The following CASK variants were observed in gnomAD, a reference collection of about 807,000 sequenced individuals.
CASK encodes peripheral plasma membrane protein CASK.
Under a neutral mutation model 82.9 loss-of-function variants are expected in CASK, and 4 were observed. That is an observed-to-expected ratio of 0.05 (90% CI 0.02 to 0.11). CASK has a LOEUF of 0.11. Ranked by LOEUF, CASK falls within the 10% of genes least tolerant of loss-of-function variation. The probability of loss-of-function intolerance (pLI) is 1.00; values close to 1 mark genes in which losing one functional copy is unlikely to be tolerated. For missense variants in CASK, 358 were observed against 720.9 expected (o/e 0.50, Z 5.76); for synonymous variants, 259 against 253.5 (o/e 1.02, Z -0.20).
chrX:41,613,629 TAAAAAAA>T (rs767946526), intron 11 of CASK, among the ~76,000 whole-genome samples: 1,318 of 49,854 alleles, frequency 0.026, 23 homozygotes, highest in African/African-American at 0.093. Context: ...AATGATCAAT[TAAAAAAA>T]AAAAAAAAAA....
chrX:41,677,965 T>A (rs1028205321), intron 5 of CASK, among the ~76,000 whole-genome samples: 10 of 112,533 alleles, frequency 8.9e-5, no homozygotes, highest in African/African-American at 3.2e-4. Flanking sequence ...TTACTTTTTT[T>A]CCCCAGAAGT....
At chrX:41,857,548 T>C (rs2071395541) in intron 1 of CASK, among the ~76,000 whole-genome samples, 1 of 111,842 alleles carries the variant, frequency 8.9e-6, no homozygotes, top group Non-Finnish European at 1.9e-5. Context: ...GATATCACAA[T>C]TGTGAAACAA....
At chrX:41,739,811 G>A (rs1409281013) in intron 4 of CASK, among the ~76,000 whole-genome samples, 3 of 112,578 alleles carry the variant, frequency 2.7e-5, no homozygotes, top group Non-Finnish European at 5.6e-5. Flanking sequence ...ACTGCGTTAT[G>A]TAAACAGTGC....
At position 41,517,597 on chromosome X, in the gene CASK, A is replaced by T. The variant is rs1237054329; in HGVS notation, c.*2823T>A. 2.7e-6 allele frequency: 1 copy of T among 372,141 alleles called. No individual in the cohort carries two copies. Among genetic ancestry groups the T allele is most frequent in the Non-Finnish European group, 4.7e-6 (1 of 213,410 alleles). 30.7% of individuals were successfully genotyped at this position (372,141 alleles called of 1,213,427 possible). On this transcript the variant is annotated 3_prime_UTR_variant, in exon 27 of 27. Coordinates refer to ENST00000378163, the MANE Select transcript of CASK (RefSeq NM_001367721.1). ...TTGGGTGGGGGAGAGAACCTTCAAA[A>T]TGTGGCTCTCCAATACTTCAATTGA...
At chrX:41,642,690 T>C (rs1205886054) in intron 8 of CASK, among the ~76,000 whole-genome samples, 1 of 112,246 alleles carries the variant, frequency 8.9e-6, no homozygotes, top group East Asian at 2.8e-4. Flanking sequence ...TCTCCCATTC[T>C]GTAGGTTGCC....
chrX:41,861,082 T>C (rs2071467265), intron 1 of CASK, among the ~76,000 whole-genome samples: 1 of 112,515 alleles, frequency 8.9e-6, no homozygotes, highest in Non-Finnish European at 1.9e-5. Flanking sequence ...CAGTGAAGTT[T>C]AGTAGACTTC....
chrX:41,561,649 G>T lies in CASK; in HGVS notation c.1583-5C>A. On this transcript the variant is annotated splice_region_variant and splice_polypyrimidine_tract_variant and intron_variant, in intron 16 of 26. Transcript: ENST00000378163. ...CATCACCAACATGAAGTGTACCTAA[G>T]AAATTATATAACATTATAAACATGA... 1.8e-6 allele frequency: 2 copies of T among 1,120,686 alleles called. No individual in the cohort carries two copies. Among genetic ancestry groups the T allele is most frequent in the Non-Finnish European group, 2.5e-6 (2 of 813,622 alleles). 92.4% of individuals were successfully genotyped at this position (1,120,686 alleles called of 1,213,427 possible).
At chrX:41,650,089 G>C (rs190325855) in intron 8 of CASK, among the ~76,000 whole-genome samples, 13,150 of 108,379 alleles carry the variant, frequency 0.12, 725 homozygotes, top group Middle Eastern at 0.17. Context: ...CTTTTTTTTT[G>C]TTTTCCATTT....
At chrX:41,555,447 T>C (rs770257311) in intron 20 of CASK, among the ~76,000 whole-genome samples, 153 bp downstream of exon 20, 8 of 111,865 alleles carry the variant, frequency 7.2e-5, no homozygotes, top group Non-Finnish European at 1.5e-4. Flanking sequence ...AGAGAATTAG[T>C]CATGTGTAAT....
At chrX:41,740,738 G>A (rs1277177241) in intron 4 of CASK, among the ~76,000 whole-genome samples, 1 of 112,156 alleles carries the variant, frequency 8.9e-6, no homozygotes, top group Non-Finnish European at 1.9e-5. Context: ...TCCTTACAAC[G>A]GGGCTTTAAG....
At chrX:41,729,037 A>G (rs761628580) in intron 5 of CASK, 1 of 123,525 alleles carries the variant, frequency 8.1e-6, no homozygotes, top group Non-Finnish European at 1.9e-5. Flanking sequence ...TTTCTTCTGT[A>G]TTCAATATAA....
intron 2 of CASK, among the ~76,000 whole-genome samples, chrX:41,790,712 A>G (rs1341172035): frequency 3.6e-5 from 4 of 112,435 alleles, no homozygotes. Flanking sequence ...GCAATGATCT[A>G]GAAAAATTGT....
intron 3 of CASK, among the ~76,000 whole-genome samples, chrX:41,786,118 T>C (rs1249494535): frequency 2.7e-5 from 3 of 111,602 alleles, no homozygotes; most frequent in African/African-American, 9.8e-5. Context: ...ATCCACATTG[T>C]AGTGGAGCCT....
chrX:41,867,108 T>C (rs1242798636), intron 1 of CASK, among the ~76,000 whole-genome samples: 1 of 112,240 alleles, frequency 8.9e-6, no homozygotes, highest in Non-Finnish European at 1.9e-5. Flanking sequence ...GCCTTCCATA[T>C]TACACAAATA....
In CASK at chrX:41,829,632, G is replaced by A. The variant is rs1402302003; in HGVS notation, c.172+23483C>T. On this transcript the variant is annotated intron_variant, in intron 2 of 26. Coordinates refer to ENST00000378163, the MANE Select transcript of CASK (RefSeq NM_001367721.1). ...TTTTTTTTTTTTTTGGGGGGGTGGG[G>A]GTGAACATATGTTAAGACATTGCTG... Among the ~76,000 whole-genome samples, 233 of 50,354 alleles carry A rather than the reference G, an allele frequency of 4.6e-3. 74 individuals carry two copies. Among genetic ancestry groups the A allele is most frequent in the African/African-American group, 0.016 (206 of 12,580 alleles). The allele number at this position is 50,354 out of a possible 115,157, so 43.7% of individuals were successfully genotyped here. A position where few individuals can be genotyped will look rare whatever the true frequency, so the allele number is the denominator to read the frequency against.
At chrX:41,733,158 A>G (rs1196510022) in intron 5 of CASK, among the ~76,000 whole-genome samples, 5 of 87,201 alleles carry the variant, frequency 5.7e-5, no homozygotes, top group African/African-American at 1.7e-4. Flanking sequence ...CCTGGGCAAC[A>G]GAGCGAGATT....
chrX:41,625,259 C>T (rs971345934), intron 10 of CASK, among the ~76,000 whole-genome samples: 135 of 101,331 alleles, frequency 1.3e-3, no homozygotes, highest in Non-Finnish European at 2.4e-3. Flanking sequence ...GATCTCGGCT[C>T]ACTGCAAGCT....
rs972140740 is a variant in CASK, at chrX:41,516,641, A to G, written c.*3779T>C. The stretch of plus-strand genomic sequence containing the variant: ...TTAGGAGGCTGTGTTCAGTTCTGAG[A>G]AAACAAGAAACACACACGAGTTTGA... On this transcript the variant is annotated 3_prime_UTR_variant, in exon 27 of 27. Coordinates refer to ENST00000378163, the MANE Select transcript of CASK (RefSeq NM_001367721.1). 1 of 111,614 alleles carries G rather than the reference A, an allele frequency of 9.0e-6. No homozygotes were observed. The highest frequency in any genetic ancestry group is 1.9e-5 in the Non-Finnish European group (1 of 53,185). The allele number at this position is 111,614 out of a possible 1,213,427, so 9.2% of individuals were successfully genotyped here.
chrX:41,799,991 G>A (rs2069959061), intron 2 of CASK, among the ~76,000 whole-genome samples: 1 of 108,606 alleles, frequency 9.2e-6, no homozygotes, highest in Non-Finnish European at 1.9e-5. Flanking sequence ...GCTGATGGCA[G>A]CAGCCATTTC....
Sources: gnomAD v4.1 joint callset for allele counts (sites outside exome capture counted in the v4.1 genomes callset) on GRCh38, gnomAD v4.1.1 for gene constraint, MANE v1.5 for transcripts, NCBI Gene and HGNC (gene_info 2026-07-23, HGNC 2026-07-21) for gene names.